The following OSBP2 variants were observed in gnomAD, a reference collection of about 807,000 sequenced individuals.
OSBP2 encodes the protein oxysterol-binding protein 2.
Under a neutral mutation model 96.0 loss-of-function variants are expected in OSBP2, and 66 were observed. The observed-to-expected ratio is 0.69, with a 90% CI of 0.56 to 0.84. The LOEUF is 0.84. Among genes scored for constraint, OSBP2 ranks in the 40% least tolerant of loss-of-function variants. OSBP2 has a pLI of 0.00. For missense variants in OSBP2, 1,038 were observed against 1,222.7 expected (o/e 0.85, Z 2.25); for synonymous variants, 525 against 520.9 (o/e 1.01, Z -0.11).
At chr22:30,731,282 AC>A (rs2089774268) in intron 1 of OSBP2, among the ~76,000 whole-genome samples, 3 of 152,074 alleles carry the variant, frequency 2.0e-5, no homozygotes. Context: ...CAAAGTGACC[AC>A]CCAGCTCATT....
At position 30,865,631 on chromosome 22, in the gene OSBP2, C is replaced by CAAAAAAAAA. The variant is rs398040482; in HGVS notation, c.854-4781_854-4773dup. Among the ~76,000 whole-genome samples the CAAAAAAAAA allele has an allele frequency of 8.0e-4, 48 of 59,868 alleles. 1 individual carries two copies. Among genetic ancestry groups the CAAAAAAAAA allele is most frequent in the Non-Finnish European group, 9.5e-4 (31 of 32,534 alleles). The allele number at this position is 59,868 out of a possible 152,430, so 39.3% of individuals were successfully genotyped here. ...TGGGTGACAAAGCAAGACTCCATCT[C>CAAAAAAAAA]AAAAAAAAAAAAAAAAAAAAAAAAA... On this transcript the variant is annotated intron_variant, in intron 2 of 13. Coordinates refer to ENST00000332585, the MANE Select transcript of OSBP2 (RefSeq NM_030758.4).
chr22:30,752,708 G>C (rs2090093810), intron 2 of OSBP2, among the ~76,000 whole-genome samples: 1 of 152,120 alleles, frequency 6.6e-6, no homozygotes, highest in Non-Finnish European at 1.5e-5. Context: ...CTGGATCAAG[G>C]AAAAGACCTG....
chr22:30,775,334 G>A (rs1044445152), intron 2 of OSBP2, among the ~76,000 whole-genome samples: 15 of 152,046 alleles, frequency 9.9e-5, no homozygotes, highest in African/African-American at 3.4e-4. Flanking sequence ...TCGACCAGGC[G>A]CAGTGGCTTA....
Position 30,886,557 on chromosome 22 carries a change from C to T in OSBP2, c.1108-869C>T, listed in dbSNP as rs73404266. On this transcript the variant is annotated intron_variant, in intron 3 of 13. Transcript: ENST00000332585. ...TGAATAGAGATTCTTTACAGATGCA[C>T]GTTTTCCCCCACAAAGGACAGCTTT... 1.0e-2 allele frequency among the ~76,000 whole-genome samples: 1,516 copies of T among 152,274 alleles called. 22 individuals carry two copies. Among genetic ancestry groups the T allele is most frequent in the African/African-American group, 0.034 (1,426 of 41,548 alleles).
chr22:30,861,690 A>G (rs2039214217), intron 2 of OSBP2, among the ~76,000 whole-genome samples: 1 of 151,880 alleles, frequency 6.6e-6, no homozygotes, highest in Non-Finnish European at 1.5e-5. Context: ...AGGGGTCTTT[A>G]TTTTTAATGA....
intron 1 of OSBP2, among the ~76,000 whole-genome samples, chr22:30,709,563 T>C (rs1210361401): frequency 6.6e-6 from 1 of 152,066 alleles, no homozygotes; most frequent in Non-Finnish European, 1.5e-5. Flanking sequence ...GTCTCCAGGC[T>C]GGAGTGCAGT....
At chr22:30,851,676 T>A (rs1569150202) in intron 2 of OSBP2, among the ~76,000 whole-genome samples, 1 of 152,082 alleles carries the variant, frequency 6.6e-6, no homozygotes, top group Non-Finnish European at 1.5e-5. Context: ...TAATAATAAG[T>A]TTTAGGAATT....
Position 30,854,311 on chromosome 22 carries a change from T to C in OSBP2, c.854-16118T>C, listed in dbSNP as rs923254023. Among the ~76,000 whole-genome samples, 56 of 140,058 alleles carry C rather than the reference T, an allele frequency of 4.0e-4. 1 individual carries two copies. Among genetic ancestry groups the C allele is most frequent in the African/African-American group, 1.6e-3 (56 of 34,564 alleles). The allele number at this position is 140,058 out of a possible 152,430, so 91.9% of individuals were successfully genotyped here. A position where few individuals can be genotyped will look rare whatever the true frequency, so the allele number is the denominator to read the frequency against. ...TTCTTGCTTTATACAGTTATCTTTT[T>C]TTTTTTTTTTTTTTTGAGACAGGGT... On this transcript the variant is annotated intron_variant, in intron 2 of 13. Transcript: ENST00000332585.
At chr22:30,858,438 G>C (rs1005462108) in intron 2 of OSBP2, among the ~76,000 whole-genome samples, 2 of 151,764 alleles carry the variant, frequency 1.3e-5, no homozygotes, top group African/African-American at 4.8e-5. Context: ...GAGCCACCGC[G>C]CCCGGCCTCA....
In OSBP2 at chr22:30,811,195, G is replaced by A. The variant is rs900144321; in HGVS notation, c.854-59234G>A. ...CCCCCACACATACATATATAAAAAT[G>A]AGATTGTACTGTACATACTGATCAA... On this transcript the variant is annotated intron_variant, in intron 2 of 13. Transcript: ENST00000332585. 2.9e-5 allele frequency among the ~76,000 whole-genome samples: 4 copies of A among 140,112 alleles called. 1 individual carries two copies. The highest frequency in any genetic ancestry group is 6.0e-5 in the Non-Finnish European group (4 of 66,186). The allele number at this position is 140,112 out of a possible 152,430, so 91.9% of individuals were successfully genotyped here.
chr22:30,714,515 C>T (rs1231075097), intron 1 of OSBP2, among the ~76,000 whole-genome samples: 3 of 151,942 alleles, frequency 2.0e-5, no homozygotes, highest in African/African-American at 7.3e-5. Flanking sequence ...TGCTGTGAAA[C>T]ACATCTCCAA....
At chr22:30,841,527 G>A (rs568394004) in intron 2 of OSBP2, among the ~76,000 whole-genome samples, 2 of 152,274 alleles carry the variant, frequency 1.3e-5, no homozygotes, top group Admixed American at 6.5e-5. Context: ...GTAAGATTCC[G>A]TGACGTAGAT....
chr22:30,762,670 T>C (rs2090221078), intron 2 of OSBP2, among the ~76,000 whole-genome samples: 1 of 152,268 alleles, frequency 6.6e-6, no homozygotes, highest in Non-Finnish European at 1.5e-5. Flanking sequence ...GCTGTACCTC[T>C]TGTTGGCAAG....
chr22:30,721,015 A>G (rs539347633), intron 1 of OSBP2, among the ~76,000 whole-genome samples: 206 of 152,318 alleles, frequency 1.4e-3, no homozygotes, highest in African/African-American at 4.7e-3. Flanking sequence ...ACTTGAGGTC[A>G]GGAGTTCGAG....
At chr22:30,721,346 A>C (rs1329542455) in intron 1 of OSBP2, among the ~76,000 whole-genome samples, 1 of 152,256 alleles carries the variant, frequency 6.6e-6, no homozygotes, top group Non-Finnish European at 1.5e-5. Context: ...ATGGGGGCCC[A>C]GAAGACTAGC....
chr22:30,846,911 T>C (rs2038882911), intron 2 of OSBP2, among the ~76,000 whole-genome samples: 1 of 152,176 alleles, frequency 6.6e-6, no homozygotes, highest in South Asian at 2.1e-4. Context: ...TTTCTTTTTT[T>C]GTGATCTTTG....
chr22:30,744,789 T>C (rs770422266), intron 2 of OSBP2, among the ~76,000 whole-genome samples: 1 of 151,726 alleles, frequency 6.6e-6, no homozygotes, highest in Non-Finnish European at 1.5e-5. Flanking sequence ...AACAAACAAA[T>C]AAATCAACTC....
chr22:30,815,576 C>T (rs1192953915), intron 2 of OSBP2, among the ~76,000 whole-genome samples: 1 of 152,146 alleles, frequency 6.6e-6, no homozygotes, highest in African/African-American at 2.4e-5. Context: ...AATCTCACTC[C>T]CTCACAAACC....
In OSBP2 at chr22:30,871,089, G is replaced by A. The variant is rs115566206; in HGVS notation, c.1107+407G>A. On this transcript the variant is annotated intron_variant, in intron 3 of 13. Transcript: ENST00000332585. This position sits in a 1 kb window ranked among gnomAD's most constrained non-coding sequence, Gnocchi z 4.7. ...TCCTCCCTGGGTTCACTCCCCAGATGCAGTGGGAGCAGACGCTGTGCACAA... is the reference window on the plus strand; with the variant it reads ...TCCTCCCTGGGTTCACTCCCCAGATACAGTGGGAGCAGACGCTGTGCACAA... Among the ~76,000 whole-genome samples, 2,019 of 152,264 alleles carry A rather than the reference G, an allele frequency of 0.013. 33 individuals are homozygous for A. The highest frequency in any genetic ancestry group is 0.042 in the African/African-American group (1,729 of 41,542).
Sources: gnomAD v4.1 joint callset for allele counts (sites outside exome capture counted in the v4.1 genomes callset) on GRCh38, gnomAD v4.1.1 for gene constraint, Gnocchi (gnomAD v3.1) non-coding constraint, MANE v1.5 for transcripts, NCBI Gene and HGNC (gene_info 2026-07-23, HGNC 2026-07-21) for gene names.